Variants in CHST8 observed in about 807,000 individuals in gnomAD.
CHST8 encodes GALNAC-4-ST1.
CHST8 carries 10 observed loss-of-function variants against 15.0 expected under a neutral mutation model. The ratio of observed to expected loss-of-function variants is 0.67; its 90% CI spans 0.41 to 1.13. The LOEUF (loss-of-function observed/expected upper bound fraction) is 1.13, where lower values mean the gene tolerates loss of function less well. CHST8 is among the 50% of genes most tolerant of loss of function. CHST8 has a pLI of 0.00. For synonymous variants in CHST8, 259 were observed against 256.6 expected (o/e 1.01, Z -0.09); for missense variants, 634 against 608.2 (o/e 1.04, Z -0.45).
chr19:33,754,273 C>A (rs1411299529), intron 3 of CHST8, among the ~76,000 whole-genome samples: 1 of 150,576 alleles, frequency 6.6e-6, no homozygotes, highest in East Asian at 2.0e-4. Flanking sequence ...GGGCCTGGGG[C>A]CTCATACCTG....
intron 1 of CHST8, among the ~76,000 whole-genome samples, chr19:33,660,567 C>G (rs1233894380): frequency 6.6e-6 from 1 of 152,144 alleles, no homozygotes; most frequent in African/African-American, 2.4e-5. Context: ...CCTCATTGCC[C>G]ATTAGCATAA....
At chr19:33,718,527 C>G (rs941896337) in intron 3 of CHST8, among the ~76,000 whole-genome samples, 2 of 152,220 alleles carry the variant, frequency 1.3e-5, no homozygotes, top group Admixed American at 6.5e-5. Context: ...CCCCTTCACC[C>G]TGTAGAATCT....
chr19:33,653,737 G>T (rs574429974), intron 1 of CHST8, among the ~76,000 whole-genome samples: 1 of 152,152 alleles, frequency 6.6e-6, no homozygotes, highest in Non-Finnish European at 1.5e-5. Context: ...TATAATGGAG[G>T]TAATAATATT....
intron 2 of CHST8, among the ~76,000 whole-genome samples, chr19:33,675,646 C>T (rs1338494192): frequency 1.3e-5 from 2 of 152,234 alleles, no homozygotes; most frequent in Non-Finnish European, 2.9e-5. Context: ...GGAGGCTGCC[C>T]TGTAGGTCAG....
chr19:33,656,598 C>A (rs1016365233), intron 1 of CHST8, among the ~76,000 whole-genome samples: 1 of 152,056 alleles, frequency 6.6e-6, no homozygotes, highest in Non-Finnish European at 1.5e-5. Context: ...TGCAGTGGTG[C>A]AATTATGGCT....
At chr19:33,648,669 A>T (rs1353838480) in intron 1 of CHST8, among the ~76,000 whole-genome samples, 1 of 152,200 alleles carries the variant, frequency 6.6e-6, no homozygotes, top group East Asian at 1.9e-4. Context: ...GAGGTTAAGC[A>T]TAGATTTACC....
chr19:33,743,916 C>T (rs888413420), intron 3 of CHST8, among the ~76,000 whole-genome samples: 2 of 152,028 alleles, frequency 1.3e-5, no homozygotes, highest in East Asian at 1.9e-4. Flanking sequence ...CTCAGCCTCC[C>T]AAGTAGCTGG....
At chr19:33,758,830 C>T (rs1322515528) in intron 3 of CHST8, among the ~76,000 whole-genome samples, 1 of 152,104 alleles carries the variant, frequency 6.6e-6, no homozygotes, top group African/African-American at 2.4e-5. Context: ...ATACCTGAGA[C>T]TGGGCAGTTT....
chr19:33,757,444 A>G (rs865921427), intron 3 of CHST8, among the ~76,000 whole-genome samples: 2,218 of 27,022 alleles, frequency 0.082, 165 homozygotes, highest in Non-Finnish European at 0.1. Flanking sequence ...GAAAGAAAGA[A>G]AGAAAGAAAG....
intron 3 of CHST8, among the ~76,000 whole-genome samples, chr19:33,747,095 G>C (rs1599613963): frequency 6.6e-6 from 1 of 152,282 alleles, no homozygotes; most frequent in Non-Finnish European, 1.5e-5. Context: ...GCTCTGGTAA[G>C]CATATGTTTG....
chr19:33,689,384 G>A lies in CHST8; in HGVS notation c.123G>A (p.Gln41=). The part of the protein sequence containing the change: ...LQDPTELAPQ[Q]VPGIKFNIRP... ...ACCCTACGGAGCTCGCCCCCCAGCA[G>A]GTGCCAGGTGAGTCCTTGCGCTGAG... The change falls in exon 3 of 5, where the codon CAG becomes CAA. Residue 41 remains glutamine (Q), a synonymous_variant. Transcript: ENST00000650847. 6 of 1,593,110 alleles carry A rather than the reference G, an allele frequency of 3.8e-6. No individual in the cohort carries two copies. The highest frequency in any genetic ancestry group is 5.1e-6 in the Non-Finnish European group (6 of 1,172,604).
chr19:33,658,310 A>C (rs546546337), intron 1 of CHST8, among the ~76,000 whole-genome samples: 1 of 152,344 alleles, frequency 6.6e-6, no homozygotes, highest in African/African-American at 2.4e-5. Context: ...ACTGCACTCC[A>C]GCCTGGGTGA....
At chr19:33,691,804 T>C (rs886646747) in intron 3 of CHST8, among the ~76,000 whole-genome samples, 3 of 152,232 alleles carry the variant, frequency 2.0e-5, no homozygotes, top group African/African-American at 7.2e-5. Context: ...CCTGCCATCC[T>C]GATCAGGCAA....
In CHST8 at chr19:33,678,635, A is replaced by C. The variant is rs149390872; in HGVS notation, c.-86-10541A>C. ...AATTGAGTAGTCCCAGCTACTCAAGAGTCTGAGGTGGGAGGACTGCTTGAG... is the reference window on the plus strand; with the variant it reads ...AATTGAGTAGTCCCAGCTACTCAAGCGTCTGAGGTGGGAGGACTGCTTGAG... On this transcript the variant is annotated intron_variant, in intron 2 of 4. Coordinates refer to ENST00000650847, the MANE Select transcript of CHST8 (RefSeq NM_001127895.2). 3.1e-3 allele frequency among the ~76,000 whole-genome samples: 470 copies of C among 152,294 alleles called. 2 individuals carry two copies. The highest frequency in any genetic ancestry group is 0.014 in the Middle Eastern group (4 of 294).
chr19:33,686,770 G>A (rs993278567), intron 2 of CHST8, among the ~76,000 whole-genome samples: 5 of 152,220 alleles, frequency 3.3e-5, no homozygotes, highest in Non-Finnish European at 7.3e-5. Flanking sequence ...TCAGGGGCTC[G>A]CGACAGTTGC....
intron 3 of CHST8, among the ~76,000 whole-genome samples, chr19:33,726,427 A>T (rs1358783249): frequency 1.3e-5 from 2 of 152,124 alleles, no homozygotes. Context: ...ATGGTGGCGC[A>T]TGCCTGTAGT....
intron 1 of CHST8, among the ~76,000 whole-genome samples, chr19:33,630,834 A>C (rs901667268): frequency 1.3e-5 from 2 of 152,214 alleles, no homozygotes; most frequent in African/African-American, 4.8e-5. Flanking sequence ...TGAGCACTAG[A>C]ACATTCCATG....
chr19:33,663,200 G>T (rs189940906), intron 1 of CHST8, among the ~76,000 whole-genome samples: 1 of 152,282 alleles, frequency 6.6e-6, no homozygotes, highest in Admixed American at 6.5e-5. Flanking sequence ...AGAACAGCTG[G>T]TTATGGATGC....
At chr19:33,639,724 G>C (rs977623715) in intron 1 of CHST8, among the ~76,000 whole-genome samples, 1 of 152,030 alleles carries the variant, frequency 6.6e-6, no homozygotes, top group Non-Finnish European at 1.5e-5. Context: ...CCTCTGTAGG[G>C]GGTCCTCAAA....
Sources: gnomAD v4.1 joint callset for allele counts (sites outside exome capture counted in the v4.1 genomes callset) on GRCh38, gnomAD v4.1.1 for gene constraint, MANE v1.5 for transcripts, NCBI Gene and HGNC (gene_info 2026-07-23, HGNC 2026-07-21) for gene names.